Variants in QSOX1 observed in about 807,000 individuals in gnomAD.
The protein encoded by QSOX1 is sulfhydryl oxidase 1.
QSOX1 carries 40 observed loss-of-function variants against 76.1 expected under a neutral mutation model. That is an observed-to-expected ratio of 0.53 (90% CI 0.41 to 0.68). The LOEUF (loss-of-function observed/expected upper bound fraction) is 0.68. QSOX1 is among the 30% of genes least tolerant of loss of function. The pLI is 0.00. For synonymous variants in QSOX1, 392 were observed against 413.1 expected (o/e 0.95, Z 0.62); for missense variants, 931 against 974.3 (o/e 0.96, Z 0.59).
At chr1:180,192,692 T>G (rs920259618) in intron 10 of QSOX1, among the ~76,000 whole-genome samples, 4 of 151,962 alleles carry the variant, frequency 2.6e-5, no homozygotes, top group African/African-American at 9.7e-5. Context: ...GTTGGGATGG[T>G]GGAATCAATG....
rs973865344 is a variant in QSOX1 at position 180,201,891 on chromosome 1, C to T, written c.*4854C>T. The T allele has an allele frequency of 2.0e-5, 3 of 152,278 alleles. No homozygotes were observed. The highest frequency in any genetic ancestry group is 6.5e-5 in the Admixed American group (1 of 15,284). The allele number at this position is 152,278 out of a possible 1,614,324, so 9.4% of individuals were successfully genotyped here. On this transcript the variant is annotated 3_prime_UTR_variant, in exon 12 of 12. Transcript: ENST00000367602. ...GCTGCAGAGGAGGCCCCACTCGCAG[C>T]CTTGGCCTCTGCCCTGCAGAAGAAT...
Position 180,183,975 on chromosome 1 carries a change from G to C in QSOX1, c.812G>C (p.Arg271Thr). The C allele has an allele frequency of 6.2e-7, 1 of 1,613,840 alleles. No homozygotes were observed. Among genetic ancestry groups the C allele is most frequent in the Non-Finnish European group, 8.5e-7 (1 of 1,179,726 alleles). The change falls in exon 7 of 12, where the codon AGG (arginine) becomes ACG (threonine). Residue 271 changes from arginine to threonine, a missense_variant. Arg to Thr is a moderately conservative substitution (Grantham distance 71). Coordinates refer to ENST00000367602, the MANE Select transcript of QSOX1 (RefSeq NM_002826.5). ...CTGCAGAGACTCTCTGGGCTCACCAGGGAGGCTGCCCAGACCACAGTTGCA... is the reference window on the plus strand; with the variant it reads ...CTGCAGAGACTCTCTGGGCTCACCACGGAGGCTGCCCAGACCACAGTTGCA... ...AYLQRLSGLT[R>T]EAAQTTVAPT...
rs752957970 is a variant in QSOX1 at position 180,184,079 on chromosome 1, C to A, written c.887+29C>A. The A allele has an allele frequency of 1.9e-6, 3 of 1,611,276 alleles. No individual in the cohort carries two copies. In the South Asian group the frequency reaches 3.3e-5, roughly 18 times the overall value. On this transcript the variant is annotated intron_variant, in intron 7 of 11. Coordinates refer to ENST00000367602, the MANE Select transcript of QSOX1 (RefSeq NM_002826.5). Reference sequence around the variant, plus strand: ...AGGCTACGCCTGGTTCTCCTCACTTCTTCTCCTTCCTCTGATCACAGACCA... The same window carrying A: ...AGGCTACGCCTGGTTCTCCTCACTTATTCTCCTTCCTCTGATCACAGACCA...
In QSOX1 at chr1:180,189,565, G is replaced by T; in HGVS notation, c.1031G>T (p.Arg344Leu). The part of the protein sequence containing the change: ...VAVLAKYFPG[R>L]PLVQNFLHSV... ...TCCTCCCCACAGTATTTCCCTGGCC[G>T]GCCCTTAGTCCAGAACTTCCTGCAC... Residue 344 changes from arginine to leucine, a missense_variant, in exon 9 of 12, where the codon CGG becomes CTG. By Grantham distance (102) the Arg-to-Leu change is moderately radical (BLOSUM62 -2). Transcript: ENST00000367602. 6.2e-7 allele frequency: 1 copy of T among 1,610,218 alleles called. No individual in the cohort carries two copies. The highest frequency in any genetic ancestry group is 8.5e-7 in the Non-Finnish European group (1 of 1,177,684).
chr1:180,194,374 G>T lies in QSOX1; in HGVS notation c.1450G>T (p.Val484Phe). 6.4e-7 allele frequency: 1 copy of T among 1,560,922 alleles called. No homozygotes were observed. The highest frequency in any genetic ancestry group is 8.7e-7 in the Non-Finnish European group (1 of 1,146,764). ...CTGGCTCTGGTCTAGCCACAACAGG[G>T]TCAATGCTCGCCTTGCAGGTAAGGA... Reference protein sequence around the residue: ...VLWLWSSHNRVNARLAGAPSE... With the variant: ...VLWLWSSHNRFNARLAGAPSE... Residue 484 changes from valine to phenylalanine, a missense_variant, in exon 11 of 12, where the codon GTC becomes TTC. Transcript: ENST00000367602.
chr1:180,183,198 T>C (rs1663082523), intron 6 of QSOX1, among the ~76,000 whole-genome samples: 1 of 151,142 alleles, frequency 6.6e-6, no homozygotes, highest in African/African-American at 2.4e-5. Flanking sequence ...AAACCCAGGA[T>C]GGTGGAGTGG....
chr1:180,194,605 GT>G (rs1279780161), intron 11 of QSOX1, among the ~76,000 whole-genome samples: 2 of 152,346 alleles, frequency 1.3e-5, no homozygotes, highest in East Asian at 3.9e-4. Flanking sequence ...TTCCCATGCC[GT>G]TGCTCACTTT....
chr1:180,155,312 C>T (rs1412995043), intron 1 of QSOX1, 140 bp downstream of exon 1: 3 of 794,116 alleles, frequency 3.8e-6, no homozygotes, highest in Non-Finnish European at 5.5e-6. Flanking sequence ...GCATCCCACG[C>T]CCACCACCTT....
intron 7 of QSOX1, among the ~76,000 whole-genome samples, 174 bp from the exon 8 acceptor site, chr1:180,185,879 A>G (rs1663157155): frequency 6.6e-6 from 1 of 152,236 alleles, no homozygotes; most frequent in Non-Finnish European, 1.5e-5. Flanking sequence ...GAAATTAGGT[A>G]ATTTACCCAA....
At position 180,196,435 on chromosome 1, in the gene QSOX1, G is replaced by T; in HGVS notation, c.1642G>T (p.Gly548Trp). 6.2e-7 allele frequency: 1 copy of T among 1,614,166 alleles called. No individual in the cohort carries two copies. Among genetic ancestry groups the T allele is most frequent in the Non-Finnish European group, 8.5e-7 (1 of 1,180,024 alleles). The change falls in exon 12 of 12, where the codon GGG becomes TGG. Residue 548 changes from glycine (G) to tryptophan (W), a missense_variant. By Grantham distance (184) the Gly-to-Trp change is radical. Coordinates refer to ENST00000367602, the MANE Select transcript of QSOX1 (RefSeq NM_002826.5). This position sits in a 1 kb window ranked among gnomAD's most constrained non-coding sequence, Gnocchi z 4.1. ...SNIILDFPAA[G>W]SAARRDVQNV... ...CATCATCCTGGACTTCCCTGCAGCT[G>T]GGTCAGCTGCCCGGAGGGATGTGCA... is the stretch of plus-strand genomic sequence containing the variant.
At chr1:180,176,833 A>G (rs34604336) in intron 4 of QSOX1, among the ~76,000 whole-genome samples, 12,230 of 152,290 alleles carry the variant, frequency 0.08, 701 homozygotes, top group Middle Eastern at 0.13. Flanking sequence ...AGGTGCTAAG[A>G]AGGCCTCACA....
chr1:180,157,769 CAT>C (rs1254126048), intron 1 of QSOX1, among the ~76,000 whole-genome samples: 1 of 152,318 alleles, frequency 6.6e-6, no homozygotes, highest in African/African-American at 2.4e-5. Flanking sequence ...TTTAGACCTT[CAT>C]TGCTATTCAC....
intron 2 of QSOX1, among the ~76,000 whole-genome samples, chr1:180,168,559 C>T (rs981136786): frequency 6.6e-6 from 1 of 152,248 alleles, no homozygotes; most frequent in African/African-American, 2.4e-5. Flanking sequence ...AAGCAATACA[C>T]ATTTTTACAT....
intron 5 of QSOX1, 49 bp downstream of exon 5, chr1:180,178,933 G>C (rs750103002): frequency 7.8e-6 from 12 of 1,537,466 alleles, no homozygotes; most frequent in Non-Finnish European, 1.1e-5. Flanking sequence ...CATGGAGAGA[G>C]AGCCCCAGTT....
chr1:180,190,714 C>T lies in QSOX1; in HGVS notation c.1288+134C>T, dbSNP rs556420187. The T allele has an allele frequency of 1.8e-5, 21 of 1,149,968 alleles. No homozygotes were observed. In the South Asian group the frequency reaches 2.6e-4, roughly 14 times the overall value. 71.2% of individuals were successfully genotyped at this position (1,149,968 alleles called of 1,614,324 possible). ...GCTGCCAGAAGATGGGGAGAGTCAG[C>T]CTTGGGGCTCTGGCTGGATTGCTCT... On this transcript the variant is annotated intron_variant, in intron 10 of 11. Transcript: ENST00000367602.
chr1:180,183,939 A>C lies in QSOX1; in HGVS notation c.776A>C (p.Tyr259Ser). Reference protein sequence around the residue: ...VPVLMESRSFYTAYLQRLSGL... With the variant: ...VPVLMESRSFSTAYLQRLSGL... ...AGGCTCATGGAATCCAGGTCCTTCT[A>C]TACCGCTTACCTGCAGAGACTCTCT... Residue 259 changes from tyrosine (Y) to serine (S), a missense_variant, in exon 7 of 12, where the codon TAT becomes TCT. Physicochemically the swap from Tyr to Ser is moderately radical, Grantham distance 144. Coordinates refer to ENST00000367602, the MANE Select transcript of QSOX1 (RefSeq NM_002826.5). 1 of 1,613,574 alleles carries C rather than the reference A, an allele frequency of 6.2e-7. No homozygotes were observed. The highest frequency in any genetic ancestry group is 8.5e-7 in the Non-Finnish European group (1 of 1,179,664).
At chr1:180,180,562 G>A (rs1478296572) in intron 5 of QSOX1, among the ~76,000 whole-genome samples, 1 of 151,688 alleles carries the variant, frequency 6.6e-6, no homozygotes, top group Non-Finnish European at 1.5e-5. Context: ...TCGCCCAGGC[G>A]GGAGTGCAGT....
At chr1:180,168,975 G>A (rs1362446879) in intron 2 of QSOX1, among the ~76,000 whole-genome samples, 3 of 152,238 alleles carry the variant, frequency 2.0e-5, no homozygotes, top group African/African-American at 7.2e-5. Flanking sequence ...TTGGTATGAT[G>A]GGGACAGGCC....
chr1:180,195,227 C>G (rs1003394077), intron 11 of QSOX1, among the ~76,000 whole-genome samples: 1 of 152,102 alleles, frequency 6.6e-6, no homozygotes, highest in Non-Finnish European at 1.5e-5. Flanking sequence ...GGGCCAGGAG[C>G]CTGGGCCTGT....
Sources: gnomAD v4.1 joint callset for allele counts (sites outside exome capture counted in the v4.1 genomes callset) on GRCh38, gnomAD v4.1.1 for gene constraint, Gnocchi (gnomAD v3.1) non-coding constraint, MANE v1.5 for transcripts, NCBI Gene and HGNC (gene_info 2026-07-23, HGNC 2026-07-21) for gene names.